IMPG2: variants seen among roughly 807,000 people sequenced by gnomAD.
IMPG2 encodes the protein IPM 200.
Under a neutral mutation model 129.2 loss-of-function variants are expected in IMPG2, and 91 were observed. The observed-to-expected ratio is 0.70, with a 90% CI of 0.59 to 0.84. IMPG2 has a LOEUF of 0.84. Among genes scored for constraint, IMPG2 ranks in the 40% least tolerant of loss-of-function variants. The probability of loss-of-function intolerance (pLI) is 0.00; values close to 1 mark genes in which losing one functional copy is unlikely to be tolerated. For missense variants in IMPG2, 1,430 were observed against 1,461.7 expected, an observed-to-expected ratio of 0.98 and a Z score of 0.35; for synonymous variants, 510 against 517.7, an observed-to-expected ratio of 0.99 and a Z score of 0.20.
intron 12 of IMPG2, 62 bp downstream of exon 12, chr3:101,245,740 C>G: frequency 1.4e-6 from 2 of 1,465,544 alleles, no homozygotes; most frequent in Middle Eastern, 1.8e-4. Flanking sequence ...GTCTCTTCCT[C>G]TCTTTAAAAC....
rs1198094357 is a variant in IMPG2 at position 101,319,635 on chromosome 3, C to G, written c.283G>C (p.Glu95Gln). The change falls in exon 2 of 19, where the codon GAA becomes CAA. Residue 95 changes from glutamate (E) to glutamine (Q), a missense_variant. Coordinates refer to ENST00000193391, the MANE Select transcript of IMPG2 (RefSeq NM_016247.4). ...TTTGCCACAGCCTCTGCAACACTTTCATCTGGGCAGATTTTCACTCCATTA... is the reference window on the plus strand; with the variant it reads ...TTTGCCACAGCCTCTGCAACACTTTGATCTGGGCAGATTTTCACTCCATTA... ...FPNGVKICPD[E>Q]SVAEAVANHV... The G allele has an allele frequency of 6.8e-6, 11 of 1,613,604 alleles. No homozygotes were observed. Among genetic ancestry groups the G allele is most frequent in the Admixed American group, 1.7e-5 (1 of 59,884 alleles).
At chr3:101,281,030 G>A (rs1559652446) in intron 4 of IMPG2, among the ~76,000 whole-genome samples, 1 of 151,560 alleles carries the variant, frequency 6.6e-6, no homozygotes, top group Admixed American at 6.6e-5. Flanking sequence ...AATTAATTGA[G>A]ACACACACAC....
At chr3:101,309,600 T>C (rs972001685) in intron 2 of IMPG2, among the ~76,000 whole-genome samples, 4 of 152,090 alleles carry the variant, frequency 2.6e-5, no homozygotes, top group African/African-American at 9.7e-5. Flanking sequence ...CCCCCCATGA[T>C]CTAATCTCCC....
intron 7 of IMPG2, 40 bp from the exon 8 acceptor site, chr3:101,269,613 T>C (rs1399056997): frequency 9.1e-7 from 1 of 1,098,058 alleles, no homozygotes; most frequent in Non-Finnish European, 1.4e-6. Context: ...TATGTAAAAA[T>C]ATGGAAAAAT....
chr3:101,244,366 C>A lies in IMPG2; in HGVS notation c.1965G>T (p.Met655Ile). 1 of 1,614,074 alleles carries A rather than the reference C, an allele frequency of 6.2e-7. No homozygotes were observed. The highest frequency in any genetic ancestry group is 1.1e-5 in the South Asian group (1 of 91,068). ...EDKKLVLVDK[M>I]DSTDQISKHS... ...GCTTACTAATTTGGTCTGTGGAATC[C>A]ATTTTGTCAACTAAAACTAGTTTCT... Residue 655 changes from methionine to isoleucine, a missense_variant, in exon 13 of 19, where the codon ATG (methionine) becomes ATT (isoleucine). Transcript: ENST00000193391.
chr3:101,269,125 C>T (rs933301326), intron 8 of IMPG2, among the ~76,000 whole-genome samples: 1 of 152,144 alleles, frequency 6.6e-6, no homozygotes, highest in African/African-American at 2.4e-5. Flanking sequence ...ACTAATGCAT[C>T]CCTTCCAGAG....
At chr3:101,284,813 C>T (rs2107120850) in intron 4 of IMPG2, among the ~76,000 whole-genome samples, 1 of 152,268 alleles carries the variant, frequency 6.6e-6, no homozygotes, top group African/African-American at 2.4e-5. Flanking sequence ...TCAGAGTAGG[C>T]TTAATATTTG....
At chr3:101,240,440 G>A (rs1292246018) in intron 14 of IMPG2, among the ~76,000 whole-genome samples, 1 of 152,078 alleles carries the variant, frequency 6.6e-6, no homozygotes, top group African/African-American at 2.4e-5. Context: ...TTAAAAATAA[G>A]TAGATTGACC....
intron 11 of IMPG2, among the ~76,000 whole-genome samples, chr3:101,249,279 A>C (rs1398389365): frequency 6.6e-6 from 1 of 152,196 alleles, no homozygotes; most frequent in East Asian, 1.9e-4. Context: ...TGGATGAGTG[A>C]TATTATGCAA....
chr3:101,234,175 C>T (rs570775748), intron 14 of IMPG2, among the ~76,000 whole-genome samples: 1 of 148,942 alleles, frequency 6.7e-6, no homozygotes, highest in South Asian at 2.2e-4. Context: ...AGAGGCCATA[C>T]GAGATTAGAA....
In IMPG2 at chr3:101,224,286, T is replaced by C. The variant is rs1706197986; in HGVS notation, c.*2683A>G. On this transcript the variant is annotated 3_prime_UTR_variant, in exon 19 of 19. Coordinates refer to ENST00000193391, the MANE Select transcript of IMPG2 (RefSeq NM_016247.4). ...ATAACCCATAAAAAAGGATAGTGTATATAATTCAATTATAAAGGCTACATC... is the reference window on the plus strand; with the variant it reads ...ATAACCCATAAAAAAGGATAGTGTACATAATTCAATTATAAAGGCTACATC... The C allele has an allele frequency of 6.6e-6, 1 of 152,222 alleles. No individual in the cohort carries two copies. 9.4% of individuals were successfully genotyped at this position (152,222 alleles called of 1,614,324 possible).
At chr3:101,258,261 C>G (rs1706634010) in intron 9 of IMPG2, among the ~76,000 whole-genome samples, 1 of 152,040 alleles carries the variant, frequency 6.6e-6, no homozygotes, top group Admixed American at 6.6e-5. Flanking sequence ...AAACTTGGTA[C>G]TAAAGCAAAT....
chr3:101,263,876 G>C (rs539969889), intron 9 of IMPG2, among the ~76,000 whole-genome samples: 103 of 144,264 alleles, frequency 7.1e-4, no homozygotes, highest in African/African-American at 2.4e-3. Context: ...AAAAAAAAGA[G>C]AGGACCCAAA....
chr3:101,234,707 G>A (rs973741), intron 14 of IMPG2, among the ~76,000 whole-genome samples: 9,495 of 152,284 alleles, frequency 0.062, 419 homozygotes, highest in Non-Finnish European at 0.1. Context: ...AGCAGTGAGG[G>A]ATAGGAGTGT....
At chr3:101,268,160 T>A (rs1410196164) in intron 8 of IMPG2, among the ~76,000 whole-genome samples, 1 of 152,192 alleles carries the variant, frequency 6.6e-6, no homozygotes, top group Non-Finnish European at 1.5e-5. Flanking sequence ...AGCATTTTTT[T>A]AATAAAGCAG....
At chr3:101,305,060 G>A (rs547815341) in intron 2 of IMPG2, among the ~76,000 whole-genome samples, 11 of 152,046 alleles carry the variant, frequency 7.2e-5, no homozygotes, top group South Asian at 4.2e-4. Flanking sequence ...ATTTAAAGTC[G>A]CTTTATTCAT....
At chr3:101,237,550 C>T (rs1437567566) in intron 14 of IMPG2, among the ~76,000 whole-genome samples, 1 of 152,168 alleles carries the variant, frequency 6.6e-6, no homozygotes, top group Non-Finnish European at 1.5e-5. Context: ...GTTCCGCAGC[C>T]TCCATTGGTG....
intron 2 of IMPG2, among the ~76,000 whole-genome samples, chr3:101,316,049 TGG>T (rs2058782581): frequency 6.6e-6 from 1 of 152,034 alleles, no homozygotes; most frequent in African/African-American, 2.4e-5. Flanking sequence ...CAAATGGTAT[TGG>T]AACAATTAGC....
chr3:101,232,445 C>G (rs1706299196), intron 15 of IMPG2, among the ~76,000 whole-genome samples: 1 of 151,982 alleles, frequency 6.6e-6, no homozygotes, highest in Non-Finnish European at 1.5e-5. Context: ...GCCATGTTGG[C>G]CAGGATGGTC....
Sources: gnomAD v4.1 joint callset for allele counts (sites outside exome capture counted in the v4.1 genomes callset) on GRCh38, gnomAD v4.1.1 for gene constraint, MANE v1.5 for transcripts, NCBI Gene and HGNC (gene_info 2026-07-23, HGNC 2026-07-21) for gene names.